Variants in PDS5B observed in about 807,000 individuals in gnomAD.
PDS5B encodes PDS5 cohesin associated factor B.
PDS5B carries 51 observed loss-of-function variants against 184.1 expected under a neutral mutation model. The ratio of observed to expected loss-of-function variants is 0.28; its 90% CI spans 0.22 to 0.35. The LOEUF is 0.35. Among genes scored for constraint, PDS5B ranks in the 10% least tolerant of loss-of-function variants. The pLI, the probability that PDS5B is intolerant of heterozygous loss-of-function variation, is 1.00. For missense variants in PDS5B, 1,180 were observed against 1,723.3 expected, an observed-to-expected ratio of 0.68 and a Z score of 5.58; for synonymous variants, 566 against 569.2, an observed-to-expected ratio of 0.99 and a Z score of 0.08.
intron 1 of PDS5B, among the ~76,000 whole-genome samples, chr13:32,633,325 T>A (rs1393848884): frequency 6.6e-6 from 1 of 152,148 alleles, no homozygotes; most frequent in Non-Finnish European, 1.5e-5. Flanking sequence ...ATATTTTACA[T>A]AAAAAAAGTA....
At chr13:32,677,146 T>G (rs1252566153) in intron 9 of PDS5B, among the ~76,000 whole-genome samples, 1 of 152,106 alleles carries the variant, frequency 6.6e-6, no homozygotes, top group African/African-American at 2.4e-5. Context: ...TCCAGTCTGA[T>G]TTCTTGATTC....
chr13:32,598,915 C>T (rs368816128), intron 1 of PDS5B, among the ~76,000 whole-genome samples: 5 of 151,644 alleles, frequency 3.3e-5, no homozygotes, highest in South Asian at 4.2e-4. Context: ...GGACTATAGG[C>T]GCCTGCCACG....
At chr13:32,680,023 A>G (rs1252400270) in intron 10 of PDS5B, among the ~76,000 whole-genome samples, 2 of 151,846 alleles carry the variant, frequency 1.3e-5, no homozygotes, top group East Asian at 1.9e-4. Context: ...GAGAGTGTCA[A>G]TGGTAGGTAG....
chr13:32,705,216 A>T (rs1307307444), intron 17 of PDS5B, among the ~76,000 whole-genome samples: 1 of 152,126 alleles, frequency 6.6e-6, no homozygotes, highest in Non-Finnish European at 1.5e-5. Flanking sequence ...TGAGAGCTTC[A>T]TACTCTCAGT....
At chr13:32,681,791 G>A (rs1266346041) in intron 10 of PDS5B, among the ~76,000 whole-genome samples, 1 of 152,044 alleles carries the variant, frequency 6.6e-6, no homozygotes, top group African/African-American at 2.4e-5. Context: ...ATACTGTAGT[G>A]CTTCTCAACC....
intron 1 of PDS5B, among the ~76,000 whole-genome samples, chr13:32,612,050 C>CTT (rs569721012): frequency 6.9e-6 from 1 of 145,340 alleles, no homozygotes; most frequent in Admixed American, 6.9e-5. Context: ...GACTGTGCAT[C>CTT]TTTTTTTTTT....
At chr13:32,609,214 C>A (rs192481470) in intron 1 of PDS5B, among the ~76,000 whole-genome samples, 1 of 152,068 alleles carries the variant, frequency 6.6e-6, no homozygotes, top group African/African-American at 2.4e-5. Flanking sequence ...TCCCTTTATC[C>A]GTTGTTGGAT....
intron 1 of PDS5B, among the ~76,000 whole-genome samples, chr13:32,633,190 A>G (rs906505536): frequency 1.3e-5 from 2 of 152,208 alleles, no homozygotes; most frequent in Non-Finnish European, 2.9e-5. Flanking sequence ...CTTAATGGTT[A>G]CAAGTTTCTT....
intron 19 of PDS5B, among the ~76,000 whole-genome samples, chr13:32,723,737 T>A (rs865838733): frequency 6.6e-6 from 1 of 152,222 alleles, no homozygotes; most frequent in African/African-American, 2.4e-5. Flanking sequence ...ATCTGATTTA[T>A]GAGAAGATAG....
At chr13:32,714,847 G>A (rs1952323909) in intron 19 of PDS5B, among the ~76,000 whole-genome samples, 1 of 152,134 alleles carries the variant, frequency 6.6e-6, no homozygotes, top group African/African-American at 2.4e-5. Flanking sequence ...GTCCTGAGGC[G>A]ATATACATCC....
intron 11 of PDS5B, among the ~76,000 whole-genome samples, chr13:32,684,341 T>C (rs979050793): frequency 3.9e-5 from 6 of 152,242 alleles, no homozygotes; most frequent in Admixed American, 2.6e-4. Context: ...TTCTCTTATG[T>C]TGTTGACTCT....
rs1486220062 is a variant in PDS5B at position 32,725,289 on chromosome 13, A to G, written c.2124-6812A>G. 3.9e-5 allele frequency among the ~76,000 whole-genome samples: 6 copies of G among 152,318 alleles called. No homozygotes were observed. In the South Asian group the frequency reaches 8.3e-4, roughly 21 times the overall value. On this transcript the variant is annotated intron_variant, in intron 19 of 34. Coordinates refer to ENST00000315596, the MANE Select transcript of PDS5B (RefSeq NM_015032.4). ...TAAAAAAATCATAACGGGTTTACGC[A>G]TATTTGTGTTTCAGTCAGTTATGGT...
intron 1 of PDS5B, among the ~76,000 whole-genome samples, chr13:32,644,631 A>G (rs1220408516): frequency 6.6e-6 from 1 of 152,182 alleles, no homozygotes; most frequent in Non-Finnish European, 1.5e-5. Context: ...CCTGAACACA[A>G]AGCTTTTAAT....
At chr13:32,704,639 G>A (rs1951954968) in intron 17 of PDS5B, among the ~76,000 whole-genome samples, 1 of 152,134 alleles carries the variant, frequency 6.6e-6, no homozygotes, top group African/African-American at 2.4e-5. Flanking sequence ...TACATGGTTT[G>A]GATCCTTGCT....
At position 32,710,014 on chromosome 13, in the gene PDS5B, GA is replaced by G; in HGVS notation, c.2035del (p.Met679TrpfsTer6). On this transcript the variant is annotated frameshift_variant, in exon 19 of 35. Transcript: ENST00000315596. LOFTEE classifies it high-confidence loss of function. ...CATTTGAATCATTACTGGCTTGTCT[GA>G]AAATGGATGATGAAAAAGTAGCAGA... Reference protein sequence around the residue: ...ETFESLLACLKMDDEKVAEAA... With the variant: ...ETFESLLACLXMDDEKVAEAA... 7 of 1,554,776 alleles carry G rather than the reference GA, an allele frequency of 4.5e-6. No homozygotes were observed. The highest frequency in any genetic ancestry group is 1.7e-5 in the Admixed American group (1 of 58,438).
At chr13:32,759,549 G>A in intron 28 of PDS5B, 79 bp from the exon 29 acceptor site, 1 of 610,476 alleles carries the variant, frequency 1.6e-6, no homozygotes, top group Non-Finnish European at 2.8e-6. Flanking sequence ...AAAAACTGCT[G>A]TTTGCTTTGT....
chr13:32,624,331 A>G (rs79424482), intron 1 of PDS5B, among the ~76,000 whole-genome samples: 2 of 151,762 alleles, frequency 1.3e-5, no homozygotes, highest in African/African-American at 2.4e-5. Context: ...AAAATTTTTC[A>G]TCTGTTTGTC....
intron 1 of PDS5B, among the ~76,000 whole-genome samples, chr13:32,640,895 A>C (rs1383317527): frequency 1.3e-5 from 2 of 151,770 alleles, no homozygotes; most frequent in Admixed American, 6.6e-5. Context: ...TCTACTAAAA[A>C]AAATACAAAA....
intron 20 of PDS5B, 136 bp from the exon 21 acceptor site, chr13:32,735,034 TTG>T (rs1378254981): frequency 2.0e-6 from 1 of 502,900 alleles, no homozygotes; most frequent in African/African-American, 2.0e-5. Context: ...TGTATATTTA[TTG>T]AAATTTTTGT....
Sources: allele counts gnomAD v4.1 joint callset (sites outside exome capture counted in the v4.1 genomes callset), GRCh38; gene constraint gnomAD v4.1.1; transcripts MANE v1.5; gene names NCBI Gene and HGNC (gene_info 2026-07-23, HGNC 2026-07-21).